Variants in DGKD observed in about 807,000 individuals in gnomAD.
The protein encoded by DGKD is diacylglycerol kinase delta.
DGKD carries 68 observed loss-of-function variants against 154.4 expected under a neutral mutation model. That is an observed-to-expected ratio of 0.44 (90% CI 0.36 to 0.54). The LOEUF (loss-of-function observed/expected upper bound fraction) is 0.54, where lower values mean the gene tolerates loss of function less well. Ranked by LOEUF, DGKD falls within the 20% of genes least tolerant of loss-of-function variation. The probability of loss-of-function intolerance (pLI) is 0.00; values close to 1 mark genes in which losing one functional copy is unlikely to be tolerated. For synonymous variants in DGKD, 693 were observed against 638.0 expected (o/e 1.09, Z -1.30); for missense variants, 1,343 against 1,593.6 (o/e 0.84, Z 2.68).
chr2:233,357,743 C>T (rs745368282), intron 1 of DGKD, among the ~76,000 whole-genome samples: 40 of 151,806 alleles, frequency 2.6e-4, no homozygotes, highest in Non-Finnish European at 8.8e-5. Context: ...CCCCATGTTC[C>T]CCAGGCTGGT....
chr2:233,405,134 T>C (rs900658955), intron 3 of DGKD, among the ~76,000 whole-genome samples: 2 of 152,230 alleles, frequency 1.3e-5, no homozygotes, highest in Non-Finnish European at 2.9e-5. Context: ...ATTTAAGATA[T>C]GTATGTTGTT....
At chr2:233,423,354 A>T (rs944878638) in intron 3 of DGKD, among the ~76,000 whole-genome samples, 5 of 152,116 alleles carry the variant, frequency 3.3e-5, no homozygotes, top group African/African-American at 1.2e-4. Flanking sequence ...GAGTGGCCGT[A>T]ATGTTTTACA....
At position 233,448,385 on chromosome 2, in the gene DGKD, C is replaced by T. The variant is rs74761374; in HGVS notation, c.1614+10C>T. The stretch of plus-strand genomic sequence containing the variant: ...GGTCATGGCCAAGAAGGTCTGTTCC[C>T]GTGCCCTGGGTGGGAGGGGCATTGA... On this transcript the variant is annotated intron_variant, in intron 14 of 29. Coordinates refer to ENST00000264057, the MANE Select transcript of DGKD (RefSeq NM_152879.3). 1,262 of 1,611,834 alleles carry T rather than the reference C, an allele frequency of 7.8e-4. 14 individuals carry two copies. In the African/African-American group the frequency reaches 0.013, roughly 17 times the overall value.
At chr2:233,439,741 A>G (rs1276669551) in intron 9 of DGKD, among the ~76,000 whole-genome samples, 1 of 148,886 alleles carries the variant, frequency 6.7e-6, no homozygotes, top group African/African-American at 2.5e-5. Flanking sequence ...TTTTTTTTTT[A>G]TGTTTTGTTG....
chr2:233,356,680 TAA>T (rs1415629936), intron 1 of DGKD, among the ~76,000 whole-genome samples: 1 of 152,168 alleles, frequency 6.6e-6, no homozygotes, highest in Non-Finnish European at 1.5e-5. Flanking sequence ...GGTAGACTGT[TAA>T]AAATACACCC....
intron 3 of DGKD, among the ~76,000 whole-genome samples, chr2:233,411,407 C>T (rs1404829100): frequency 8.5e-5 from 13 of 152,100 alleles, no homozygotes; most frequent in Non-Finnish European, 2.9e-5. Context: ...TAGTGTTACC[C>T]CATTGTGGCT....
At position 233,452,425 on chromosome 2, in the gene DGKD, T is replaced by G. The variant is rs1325594671; in HGVS notation, c.2264+365T>G. Among the ~76,000 whole-genome samples, 2 of 152,208 alleles carry G rather than the reference T, an allele frequency of 1.3e-5. No homozygotes were observed. The highest frequency in any genetic ancestry group is 4.8e-5 in the African/African-American group (2 of 41,468). On this transcript the variant is annotated intron_variant, in intron 18 of 29. Transcript: ENST00000264057. The surrounding 1 kb of genome is among the most constrained non-coding windows in gnomAD (Gnocchi z 4.0). ...TCCCATGATCTTGGCTGGACCTCACTGACTTCTGCTTACAGCCTGCCATCT... is the reference window on the plus strand; with the variant it reads ...TCCCATGATCTTGGCTGGACCTCACGGACTTCTGCTTACAGCCTGCCATCT...
In DGKD at chr2:233,449,431, C is replaced by A; in HGVS notation, c.1888+55C>A. On this transcript the variant is annotated intron_variant, in intron 15 of 29. Transcript: ENST00000264057. This position sits in a 1 kb window ranked among gnomAD's most constrained non-coding sequence, Gnocchi z 5.3. ...TCCTCAGGCCAGCACTGGGCATGCC[C>A]AGCGTCCCCTGAACACGGAGATGAC... The A allele has an allele frequency of 6.5e-7, 1 of 1,542,992 alleles. No individual in the cohort carries two copies. The highest frequency in any genetic ancestry group is 8.8e-7 in the Non-Finnish European group (1 of 1,139,296).
chr2:233,419,226 A>C, intron 3 of DGKD: 1 of 985,608 alleles, frequency 1.0e-6, no homozygotes, highest in Non-Finnish European at 1.2e-6. Flanking sequence ...TGCCCCCAGC[A>C]CCGTCCCTTT....
chr2:233,451,208 T>C (rs2063278834), intron 17 of DGKD, among the ~76,000 whole-genome samples, 158 bp downstream of exon 17: 1 of 149,742 alleles, frequency 6.7e-6, no homozygotes. Context: ...AAAAGTGCTT[T>C]TTTTTTTTTT....
At chr2:233,400,980 G>A (rs2061545944) in intron 3 of DGKD, among the ~76,000 whole-genome samples, 1 of 152,112 alleles carries the variant, frequency 6.6e-6, no homozygotes, top group Admixed American at 6.5e-5. Flanking sequence ...AATGTCCAGG[G>A]TCTGTGTATC....
At chr2:233,388,229 G>A (rs751084834) in intron 1 of DGKD, 28 bp from the exon 2 acceptor site, 1 of 1,600,494 alleles carries the variant, frequency 6.2e-7, no homozygotes, top group Non-Finnish European at 8.5e-7. Flanking sequence ...GAAAACGCAA[G>A]TTTATGAATA....
intron 1 of DGKD, among the ~76,000 whole-genome samples, chr2:233,364,617 C>T (rs1041846654): frequency 6.6e-6 from 1 of 151,956 alleles, no homozygotes; most frequent in East Asian, 1.9e-4. Context: ...GTGGTGGCCA[C>T]CAAAATTGTG....
rs1233654218 is a variant in DGKD, at chr2:233,459,942, G to T, written c.2829+51G>T. 1.3e-6 allele frequency: 2 copies of T among 1,589,564 alleles called. No homozygotes were observed. Among genetic ancestry groups the T allele is most frequent in the Non-Finnish European group, 1.7e-6 (2 of 1,168,804 alleles). ...GGGTGGGGTACAGGGCTCACCTGTG[G>T]GCTCTTGTGTGCACTGTTAAGAGCT... On this transcript the variant is annotated intron_variant, in intron 23 of 29. Coordinates refer to ENST00000264057, the MANE Select transcript of DGKD (RefSeq NM_152879.3). This position sits in a 1 kb window ranked among gnomAD's most constrained non-coding sequence, Gnocchi z 5.7.
intron 3 of DGKD, among the ~76,000 whole-genome samples, chr2:233,406,681 C>G (rs1449225222): frequency 6.6e-6 from 1 of 152,154 alleles, no homozygotes; most frequent in Non-Finnish European, 1.5e-5. Context: ...ATTTTTGGCA[C>G]TTAGAGAAAT....
chr2:233,469,373 C>T lies in DGKD; in HGVS notation c.3558C>T (p.Asp1186=). 2 of 1,611,340 alleles carry T rather than the reference C, an allele frequency of 1.2e-6. No individual in the cohort carries two copies. The highest frequency in any genetic ancestry group is 2.2e-5 in the South Asian group (2 of 90,240). The part of the protein sequence containing the change: ...LLHLERRDLK[D]LGVTKVGHMK... The stretch of plus-strand genomic sequence containing the variant: ...TGGCGGTGTCTTCTCTGTTGCAGGA[C>T]CTGGGCGTGACCAAGGTGGGCCACA... Residue 1186 remains aspartate (D), a splice_region_variant and synonymous_variant, in exon 30 of 30, where the codon GAC becomes GAT. Transcript: ENST00000264057.
chr2:233,445,617 C>T lies in DGKD; in HGVS notation c.1195-6C>T, dbSNP rs751447542. On this transcript the variant is annotated splice_polypyrimidine_tract_variant and splice_region_variant and intron_variant, in intron 10 of 29. Coordinates refer to ENST00000264057, the MANE Select transcript of DGKD (RefSeq NM_152879.3). This position sits in a 1 kb window ranked among gnomAD's most constrained non-coding sequence, Gnocchi z 5.5. ...TGCCTGCGCATCGTCCCCCATGTTT[C>T]CTTAGTGTCAGCTGGGAGTGCTGCC... 5.6e-6 allele frequency: 9 copies of T among 1,603,416 alleles called. No homozygotes were observed. The highest frequency in any genetic ancestry group is 2.2e-5 in the South Asian group (2 of 89,354).
rs1021537288 is a variant in DGKD at position 233,447,428 on chromosome 2, C to T, written c.1419+632C>T. On this transcript the variant is annotated intron_variant, in intron 12 of 29. Transcript: ENST00000264057. ...TTTTGTCAGGGGCTAGGGCAACGGTCAGCAAACAAGGCCTGCAGGCCAGAT... is the reference window on the plus strand; with the variant it reads ...TTTTGTCAGGGGCTAGGGCAACGGTTAGCAAACAAGGCCTGCAGGCCAGAT... The T allele has an allele frequency of 5.0e-4, 485 of 973,548 alleles. 1 individual carries two copies. Among genetic ancestry groups the T allele is most frequent in the Admixed American group, 1.1e-3 (18 of 16,254 alleles). 60.3% of individuals were successfully genotyped at this position (973,548 alleles called of 1,614,324 possible).
intron 1 of DGKD, among the ~76,000 whole-genome samples, chr2:233,378,683 A>AT (rs1702722921): frequency 6.6e-6 from 1 of 151,942 alleles, no homozygotes; most frequent in South Asian, 2.1e-4. Context: ...ATGTTTTCAT[A>AT]TTTTTTGCCC....
Sources: allele counts gnomAD v4.1 joint callset (sites outside exome capture counted in the v4.1 genomes callset), GRCh38; gene constraint gnomAD v4.1.1; non-coding constraint Gnocchi (gnomAD v3.1); transcripts MANE v1.5; gene names NCBI Gene and HGNC (gene_info 2026-07-23, HGNC 2026-07-21).